HEATR5A: variants seen among roughly 807,000 people sequenced by gnomAD.
The protein encoded by HEATR5A is HEAT repeat containing 5A.
HEATR5A carries 178 observed loss-of-function variants against 218.8 expected under a neutral mutation model. That is an observed-to-expected ratio of 0.81 (90% CI 0.72 to 0.92). The LOEUF (loss-of-function observed/expected upper bound fraction) is 0.92. HEATR5A is among the 40% of genes least tolerant of loss of function. HEATR5A has a pLI of 0.00. For missense variants in HEATR5A, 2,420 were observed against 2,418.9 expected (o/e 1.00, Z -0.01); for synonymous variants, 864 against 871.6 (o/e 0.99, Z 0.15).
At chr14:31,320,316 G>C (rs1481496476) in intron 25 of HEATR5A, 2 of 764,992 alleles carry the variant, frequency 2.6e-6, no homozygotes, top group Admixed American at 3.5e-5. Context: ...TAGAAGAGGA[G>C]TTGCTGCTTG....
At position 31,323,757 on chromosome 14, in the gene HEATR5A, C is replaced by G; in HGVS notation, c.3595G>C (p.Asp1199His). 6.2e-7 allele frequency: 1 copy of G among 1,607,440 alleles called. No individual in the cohort carries two copies. Among genetic ancestry groups the G allele is most frequent in the South Asian group, 1.1e-5 (1 of 90,926 alleles). ...AGGACTGAGGCATCATCCCCTTTAT[C>G]TCCTTCTTCTTCTTGCATTGTATCC... The part of the protein sequence containing the change: ...CVDTMQEEEG[D>H]KGDDASVLTT... Residue 1199 changes from aspartate (D) to histidine (H), a missense_variant, in exon 24 of 36, where the codon GAT (aspartate) becomes CAT (histidine). Asp to His is a moderately conservative substitution (Grantham distance 81, BLOSUM62 -1). Transcript: ENST00000543095.
rs377106085 is a variant in HEATR5A, at chr14:31,380,547, C to G, written c.1628G>C (p.Cys543Ser). 5.0e-5 allele frequency: 80 copies of G among 1,604,200 alleles called. No homozygotes were observed. The highest frequency in any genetic ancestry group is 6.7e-5 in the Non-Finnish European group (79 of 1,175,172). ...AAGGCGACTGTTTTGAGCAGCAGAACACAGCAAATCCTCTGCTAATGTCAT... is the reference window on the plus strand; with the variant it reads ...AAGGCGACTGTTTTGAGCAGCAGAAGACAGCAAATCCTCTGCTAATGTCAT... ...IIMTLAEDLL[C>S]SAAQNSRLSA... The change falls in exon 11 of 36, where the codon TGT (cysteine) becomes TCT (serine). Residue 543 changes from cysteine to serine, a missense_variant. By Grantham distance (112) the Cys-to-Ser change is moderately radical (BLOSUM62 -1). Transcript: ENST00000543095.
intron 28 of HEATR5A, among the ~76,000 whole-genome samples, chr14:31,311,786 G>A (rs1899763555): frequency 6.6e-6 from 1 of 152,082 alleles, no homozygotes; most frequent in Non-Finnish European, 1.5e-5. Flanking sequence ...CCTCAGCAAG[G>A]CAATTTACTT....
At chr14:31,381,003 C>T (rs2029956234) in intron 10 of HEATR5A, among the ~76,000 whole-genome samples, 1 of 152,082 alleles carries the variant, frequency 6.6e-6, no homozygotes, top group South Asian at 2.1e-4. Flanking sequence ...AATCCCAGCA[C>T]TTTGGGAGGC....
Position 31,347,141 on chromosome 14 carries a change from G to T in HEATR5A, c.2868+607C>A, listed in dbSNP as rs1378327484. Reference sequence around the variant, plus strand: ...ACTAAAAGAATTACTATGAGACTTAGAAGAATGTATCGTAACACCTGGTAC... The same window carrying T: ...ACTAAAAGAATTACTATGAGACTTATAAGAATGTATCGTAACACCTGGTAC... On this transcript the variant is annotated intron_variant, in intron 19 of 35. Transcript: ENST00000543095. Among the ~76,000 whole-genome samples, 3 of 152,198 alleles carry T rather than the reference G, an allele frequency of 2.0e-5. No homozygotes were observed. The East Asian group carries it at 5.8e-4, about 29-fold the overall frequency.
intron 16 of HEATR5A, among the ~76,000 whole-genome samples, chr14:31,353,857 TG>T (rs1203687876): frequency 6.6e-6 from 1 of 152,058 alleles, no homozygotes; most frequent in Non-Finnish European, 1.5e-5. Context: ...TGGAGTGCAG[TG>T]GCGTGATCTC....
At chr14:31,307,864 C>G (rs573529988) in intron 30 of HEATR5A, 29 bp downstream of exon 30, 32 of 1,602,260 alleles carry the variant, frequency 2.0e-5, no homozygotes, top group Non-Finnish European at 2.7e-5. Context: ...ACTACAGAAG[C>G]CTTACAAAAA....
At chr14:31,411,021 G>A (rs1310553356) in intron 1 of HEATR5A, among the ~76,000 whole-genome samples, 1 of 152,084 alleles carries the variant, frequency 6.6e-6, no homozygotes, top group African/African-American at 2.4e-5. Flanking sequence ...GAGCTGAGTG[G>A]TTCAAACCTA....
intron 22 of HEATR5A, chr14:31,334,227 C>T (rs1354643271): frequency 2.2e-5 from 7 of 321,434 alleles, no homozygotes; most frequent in East Asian, 7.5e-5. Flanking sequence ...CTCGTGGAGG[C>T]GTACAAGGAG....
chr14:31,371,678 A>C (rs1246279607), intron 13 of HEATR5A, 132 bp downstream of exon 13: 2 of 438,650 alleles, frequency 4.6e-6, no homozygotes, highest in Non-Finnish European at 8.1e-6. Flanking sequence ...GCCTAAAAAA[A>C]AATCATATAA....
chr14:31,404,517 TA>T (rs2030988606), intron 1 of HEATR5A, among the ~76,000 whole-genome samples: 1 of 152,136 alleles, frequency 6.6e-6, no homozygotes, highest in Non-Finnish European at 1.5e-5. Flanking sequence ...GCCTCTTTAA[TA>T]AAAAGACAGT....
At chr14:31,396,388 G>A (rs573680737) in intron 4 of HEATR5A, among the ~76,000 whole-genome samples, 1 of 151,886 alleles carries the variant, frequency 6.6e-6, no homozygotes, top group Admixed American at 6.6e-5. Context: ...AGGGTGCAGT[G>A]AGTACAGACT....
chr14:31,395,338 C>A lies in HEATR5A; in HGVS notation c.458G>T (p.Arg153Leu). 2.6e-6 allele frequency: 4 copies of A among 1,511,068 alleles called. No individual in the cohort carries two copies. The highest frequency in any genetic ancestry group is 3.5e-6 in the Non-Finnish European group (4 of 1,131,060). The allele number at this position is 1,511,068 out of a possible 1,614,324, so 93.6% of individuals were successfully genotyped here. Residue 153 changes from arginine (R) to leucine (L), a missense_variant, in exon 5 of 36, where the codon CGA becomes CTA. Physicochemically the swap from Arg to Leu is moderately radical, Grantham distance 102. Coordinates refer to ENST00000543095, the MANE Select transcript of HEATR5A (RefSeq NM_015473.4). ...TTGCAGACTTAGCATAATCTCATAT[C>A]GGCCTTGAGACTTCCAAAAAGAAAA... ...KAMKSAESQG[R>L]YEIMLSLQNI...
rs1180384613 is a variant in HEATR5A, at chr14:31,323,649, T to A, written c.3703A>T (p.Arg1235Trp). ...GCATTCTCACATTGGTTAATTATCC[T>A]ACAGACACATTCAGCAGCAAAGACT... Reference protein sequence around the residue: ...TRVFAAECVCRIINQCENANS... With the variant: ...TRVFAAECVCWIINQCENANS... The change falls in exon 24 of 36, where the codon AGG (arginine) becomes TGG (tryptophan). Residue 1235 changes from arginine (R) to tryptophan (W), a missense_variant. Transcript: ENST00000543095. The A allele has an allele frequency of 6.2e-7, 1 of 1,613,370 alleles. No individual in the cohort carries two copies. The highest frequency in any genetic ancestry group is 8.5e-7 in the Non-Finnish European group (1 of 1,179,416).
At chr14:31,391,059 A>G (rs2030433914) in intron 6 of HEATR5A, among the ~76,000 whole-genome samples, 1 of 150,120 alleles carries the variant, frequency 6.7e-6, no homozygotes, top group Non-Finnish European at 1.5e-5. Flanking sequence ...TTTAAAAGTT[A>G]AAAAAAATTT....
At chr14:31,392,693 G>A (rs2030498582) in intron 6 of HEATR5A, among the ~76,000 whole-genome samples, 1 of 152,146 alleles carries the variant, frequency 6.6e-6, no homozygotes, top group African/African-American at 2.4e-5. Flanking sequence ...GTTCCAAATT[G>A]TTTTAAACTC....
rs538930554 is a variant in HEATR5A, at chr14:31,350,780, G to C, written c.2412-63C>G. 4.4e-3 allele frequency: 3,666 copies of C among 833,280 alleles called. 72 individuals carry two copies. The African/African-American group carries it at 0.052, about 12-fold the overall frequency. 51.6% of individuals were successfully genotyped at this position (833,280 alleles called of 1,614,324 possible). ...TAAGTTTTTGTTTGTTTGTTTGTTT[G>C]TTTGTTTGTTTGTTTGAGACGGAGT... On this transcript the variant is annotated intron_variant, in intron 16 of 35. Transcript: ENST00000543095.
chr14:31,387,009 A>G (rs2030252882), intron 8 of HEATR5A, 111 bp downstream of exon 8: 9 of 1,047,130 alleles, frequency 8.6e-6, no homozygotes, highest in Non-Finnish European at 1.3e-5. Context: ...AGGAACTTCT[A>G]TCAGCCTTCA....
intron 16 of HEATR5A, among the ~76,000 whole-genome samples, chr14:31,357,520 C>G (rs1367625792): frequency 6.6e-6 from 1 of 152,178 alleles, no homozygotes; most frequent in African/African-American, 2.4e-5. Context: ...GAGAGAGATT[C>G]ACTTCCCATT....
Sources: allele counts gnomAD v4.1 joint callset (sites outside exome capture counted in the v4.1 genomes callset), GRCh38; gene constraint gnomAD v4.1.1; transcripts MANE v1.5; gene names NCBI Gene and HGNC (gene_info 2026-07-23, HGNC 2026-07-21).